MLH3: variants seen among roughly 807,000 people sequenced by gnomAD.
MLH3 encodes mutL homolog 3.
MLH3 carries 82 observed loss-of-function variants against 122.2 expected under a neutral mutation model. The observed-to-expected ratio is 0.67, with a 90% CI of 0.56 to 0.81. The LOEUF (loss-of-function observed/expected upper bound fraction) is 0.81, where lower values mean the gene tolerates loss of function less well. MLH3 is among the 30% of genes least tolerant of loss of function. The pLI, the probability that MLH3 is intolerant of heterozygous loss-of-function variation, is 0.00. For synonymous variants in MLH3, 524 were observed against 599.5 expected (o/e 0.87, Z 1.84); for missense variants, 1,539 against 1,714.5 (o/e 0.90, Z 1.81).
Position 75,040,006 on chromosome 14 carries a change from C to G in MLH3, c.3475G>C (p.Asp1159His), listed in dbSNP as rs755836944. ...CTCTCAGCCTGGCCACTGCTTACAT[C>G]AACAGCAACCTAGAAAGACTCAGCA... The part of the protein sequence containing the change: ...VFARYPEVAV[D>H]VSSGQAESLA... Residue 1159 changes from aspartate to histidine, a missense_variant, in exon 5 of 13, where the codon GAT becomes CAT. Asp to His is a moderately conservative substitution (Grantham distance 81, BLOSUM62 -1). Transcript: ENST00000355774. 8 of 1,566,604 alleles carry G rather than the reference C, an allele frequency of 5.1e-6. No individual in the cohort carries two copies. The Admixed American group carries it at 1.3e-4, about 26-fold the overall frequency.
intron 8 of MLH3, among the ~76,000 whole-genome samples, chr14:75,031,553 C>A (rs1891049089): frequency 6.6e-6 from 1 of 152,218 alleles, no homozygotes; most frequent in Non-Finnish European, 1.5e-5. Flanking sequence ...TGGCTCACGC[C>A]TGTAATCCCA....
intron 9 of MLH3, among the ~76,000 whole-genome samples, chr14:75,029,627 C>T (rs1228085911): frequency 6.6e-6 from 1 of 152,174 alleles, no homozygotes; most frequent in East Asian, 1.9e-4. Context: ...CCTCCGCCTC[C>T]CAGGTTCAAG....
At chr14:75,050,065 A>C (rs1892561698) in intron 1 of MLH3, among the ~76,000 whole-genome samples, 1 of 152,260 alleles carries the variant, frequency 6.6e-6, no homozygotes. Flanking sequence ...GCTAAGGAAC[A>C]TTAGCTAGAA....
In MLH3 at chr14:75,046,715, C is replaced by A. The variant is rs377337763; in HGVS notation, c.2941G>T (p.Gly981Cys). 6.2e-7 allele frequency: 1 copy of A among 1,613,948 alleles called. No individual in the cohort carries two copies. The highest frequency in any genetic ancestry group is 8.5e-7 in the Non-Finnish European group (1 of 1,180,008). ...CTGATAAGAACATCTGAATCTTTAC[C>A]GGTAACTTTAGAATTATTATAGGGC... ...VLPYNNSKVT[G>C]KDSDVLIRAS... Residue 981 changes from glycine (G) to cysteine (C), a missense_variant, in exon 2 of 13, where the codon GGT becomes TGT. By Grantham distance (159) the Gly-to-Cys change is radical. Coordinates refer to ENST00000355774, the MANE Select transcript of MLH3 (RefSeq NM_001040108.2).
chr14:75,044,212 C>A (rs1000595125), intron 2 of MLH3, among the ~76,000 whole-genome samples: 11 of 152,112 alleles, frequency 7.2e-5, no homozygotes, highest in African/African-American at 2.2e-4. Flanking sequence ...TACTGAGGAG[C>A]CATCTGTTCA....
chr14:75,047,461 T>G lies in MLH3; in HGVS notation c.2195A>C (p.Lys732Thr). 1 of 1,614,134 alleles carries G rather than the reference T, an allele frequency of 6.2e-7. No homozygotes were observed. The highest frequency in any genetic ancestry group is 8.5e-7 in the Non-Finnish European group (1 of 1,180,024). ...HVSNDSRKTD[K>T]LIGFSKPIVR... ...GATTGGTTTGGAGAAACCAATTAAT[T>G]TATCTGTTTTCCTACTATCATTGGA... The change falls in exon 2 of 13, where the codon AAA becomes ACA. Residue 732 changes from lysine (K) to threonine (T), a missense_variant. Physicochemically the swap from Lys to Thr is moderately conservative, Grantham distance 78. Coordinates refer to ENST00000355774, the MANE Select transcript of MLH3 (RefSeq NM_001040108.2).
intron 11 of MLH3, chr14:75,020,911 C>G (rs1395986502): frequency 6.6e-6 from 1 of 152,002 alleles, no homozygotes; most frequent in South Asian, 2.1e-4. Flanking sequence ...GAGTCTCACT[C>G]TGTCACCCAG....
intron 1 of MLH3, among the ~76,000 whole-genome samples, chr14:75,050,580 T>C (rs1372034323): frequency 6.6e-6 from 1 of 152,022 alleles, no homozygotes; most frequent in Non-Finnish European, 1.5e-5. Flanking sequence ...TTGTCTCTTA[T>C]GTAGAGATGG....
intron 2 of MLH3, 21 bp downstream of exon 2, chr14:75,046,355 A>G (rs565592052): frequency 1.9e-6 from 3 of 1,613,296 alleles, no homozygotes; most frequent in Non-Finnish European, 2.5e-6. Flanking sequence ...CATCTCATGC[A>G]CATGAATACT....
chr14:75,048,124 G>A lies in MLH3; in HGVS notation c.1532C>T (p.Pro511Leu). The A allele has an allele frequency of 1.2e-6, 2 of 1,614,158 alleles. No individual in the cohort carries two copies. Among genetic ancestry groups the A allele is most frequent in the African/African-American group, 1.3e-5 (1 of 75,062 alleles). ...CGTSLEMFLS[P>L]FQTPCHFEES... ...CTCAAAGTGACATGGTGTCTGAAAA[G>A]GGCTTAAAAACATTTCTAAACTGGT... is the stretch of plus-strand genomic sequence containing the variant. The change falls in exon 2 of 13, where the codon CCT becomes CTT. Residue 511 changes from proline (P) to leucine (L), a missense_variant. Pro to Leu is a moderately conservative substitution (Grantham distance 98). Transcript: ENST00000355774.
chr14:75,033,516 T>C (rs751841424), intron 6 of MLH3, 26 bp from the exon 7 acceptor site: 1 of 1,593,264 alleles, frequency 6.3e-7, no homozygotes, highest in Non-Finnish European at 8.6e-7. Flanking sequence ...TTGTGAACTT[T>C]GATTCTCAGA....
intron 11 of MLH3, among the ~76,000 whole-genome samples, chr14:75,020,102 G>A (rs570646443): frequency 1.3e-5 from 2 of 152,272 alleles, no homozygotes; most frequent in African/African-American, 4.8e-5. Flanking sequence ...AGTGTTTCAG[G>A]TAGAGGAGAA....
intron 4 of MLH3, among the ~76,000 whole-genome samples, chr14:75,040,316 G>A (rs147241679): frequency 0.011 from 1,687 of 151,374 alleles, 42 homozygotes; most frequent in African/African-American, 0.039. Context: ...TGGGCGTGGC[G>A]GCAGGCGCCT....
intron 4 of MLH3, among the ~76,000 whole-genome samples, chr14:75,041,334 G>A (rs1020540444): frequency 6.6e-6 from 1 of 152,178 alleles, no homozygotes; most frequent in Non-Finnish European, 1.5e-5. Context: ...CAGATCACCT[G>A]AGGTTGGGAG....
At chr14:75,023,588 A>C (rs1349994456) in intron 9 of MLH3, among the ~76,000 whole-genome samples, 1 of 152,074 alleles carries the variant, frequency 6.6e-6, no homozygotes, top group East Asian at 1.9e-4. Flanking sequence ...CCTCCCTTGC[A>C]TGTCTCTGTC....
chr14:75,025,134 A>C (rs1273841637), intron 9 of MLH3, among the ~76,000 whole-genome samples: 1 of 152,184 alleles, frequency 6.6e-6, no homozygotes, highest in African/African-American at 2.4e-5. Flanking sequence ...AAAGCAAACA[A>C]ACACCTTTCC....
At chr14:75,038,288 A>C in intron 6 of MLH3, 52 bp downstream of exon 6, 2 of 1,196,234 alleles carry the variant, frequency 1.7e-6, no homozygotes, top group East Asian at 2.3e-5. Flanking sequence ...CATTAAAAAA[A>C]GGTTACAAGA....
chr14:75,048,061 G>A lies in MLH3; in HGVS notation c.1595C>T (p.Thr532Ile). The A allele has an allele frequency of 6.2e-7, 1 of 1,614,020 alleles. No homozygotes were observed. Among genetic ancestry groups the A allele is most frequent in the Non-Finnish European group, 8.5e-7 (1 of 1,180,006 alleles). The change falls in exon 2 of 13, where the codon ACT becomes ATT. Residue 532 changes from threonine (T) to isoleucine (I), a missense_variant. Coordinates refer to ENST00000355774, the MANE Select transcript of MLH3 (RefSeq NM_001040108.2). ...GTTGGCAGCCATGCCATTAACAGTA[G>A]TACTTTCTTTCCATATTTCTAGATC... The part of the protein sequence containing the change: ...GQDLEIWKES[T>I]TVNGMAANIL...
Position 75,030,647 on chromosome 14 carries a change from T to A in MLH3, c.3883A>T (p.Ser1295Cys). The A allele has an allele frequency of 6.2e-7, 1 of 1,613,762 alleles. No individual in the cohort carries two copies. The highest frequency in any genetic ancestry group is 8.5e-7 in the Non-Finnish European group (1 of 1,179,712). Residue 1295 changes from serine (S) to cysteine (C), a missense_variant, in exon 9 of 13, where the codon AGT (serine) becomes TGT (cysteine). Coordinates refer to ENST00000355774, the MANE Select transcript of MLH3 (RefSeq NM_001040108.2). ...TTTCCCACAAGGACCAGAGAATCACTAGTGTCTGGAAATACAAATTCAAGG... is the reference window on the plus strand; with the variant it reads ...TTTCCCACAAGGACCAGAGAATCACAAGTGTCTGGAAATACAAATTCAAGG... ...LGLEFVFPDT[S>C]DSLVLVGKVP...
Sources: gnomAD v4.1 joint callset for allele counts (sites outside exome capture counted in the v4.1 genomes callset) on GRCh38, gnomAD v4.1.1 for gene constraint, MANE v1.5 for transcripts, NCBI Gene and HGNC (gene_info 2026-07-23, HGNC 2026-07-21) for gene names.